The following DLGAP1 variants were observed in gnomAD, a reference collection of about 807,000 sequenced individuals.
DLGAP1 encodes disks large-associated protein 1.
DLGAP1 carries 11 observed loss-of-function variants against 90.8 expected under a neutral mutation model. The ratio of observed to expected loss-of-function variants is 0.12; its 90% CI spans 0.08 to 0.20. The LOEUF (loss-of-function observed/expected upper bound fraction) is 0.20. Ranked by LOEUF, DLGAP1 falls within the 10% of genes least tolerant of loss-of-function variation. The pLI, the probability that DLGAP1 is intolerant of heterozygous loss-of-function variation, is 1.00. For missense variants in DLGAP1, 1,050 were observed against 1,333.8 expected (o/e 0.79, Z 3.31); for synonymous variants, 558 against 540.7 (o/e 1.03, Z -0.44).
At chr18:4,426,385 T>C (rs1398584649) in intron 1 of DLGAP1, among the ~76,000 whole-genome samples, 1 of 152,234 alleles carries the variant, frequency 6.6e-6, no homozygotes, top group African/African-American at 2.4e-5. Flanking sequence ...TTCTCTTAAA[T>C]ACAAATGCTG....
chr18:3,948,678 C>T (rs2072922292), intron 3 of DLGAP1, among the ~76,000 whole-genome samples: 1 of 152,124 alleles, frequency 6.6e-6, no homozygotes, highest in Non-Finnish European at 1.5e-5. Context: ...GACTATTATT[C>T]TAAGTGATGT....
At chr18:4,000,157 C>T (rs1346238861) in intron 3 of DLGAP1, among the ~76,000 whole-genome samples, 1 of 152,036 alleles carries the variant, frequency 6.6e-6, no homozygotes, top group South Asian at 2.1e-4. Context: ...TGTTCTGAGC[C>T]CTTTTTATTA....
intron 5 of DLGAP1, among the ~76,000 whole-genome samples, chr18:3,749,399 T>C (rs1019808900): frequency 6.6e-6 from 1 of 151,994 alleles, no homozygotes; most frequent in African/African-American, 2.4e-5. Context: ...GTGATCTGCC[T>C]GCCTTGGCCT....
At chr18:4,319,212 C>T (rs1324348249) in intron 1 of DLGAP1, among the ~76,000 whole-genome samples, 1 of 152,148 alleles carries the variant, frequency 6.6e-6, no homozygotes. Flanking sequence ...ACTTGTTTTA[C>T]TAAGAGCTAC....
At chr18:3,580,503 A>T in intron 8 of DLGAP1, 3 of 1,601,340 alleles carry the variant, frequency 1.9e-6, no homozygotes, top group Non-Finnish European at 2.6e-6. Flanking sequence ...GACCAGGAGG[A>T]GGAGGAGGAA....
chr18:3,776,018 G>A (rs962467159), intron 5 of DLGAP1, among the ~76,000 whole-genome samples: 4 of 152,168 alleles, frequency 2.6e-5, no homozygotes, highest in Non-Finnish European at 4.4e-5. Context: ...AAGACACTCA[G>A]CCCTCAAGAG....
chr18:4,315,858 G>C (rs1358229776), intron 1 of DLGAP1, among the ~76,000 whole-genome samples: 4 of 152,178 alleles, frequency 2.6e-5, no homozygotes, highest in African/African-American at 9.7e-5. Flanking sequence ...TCAGCACATA[G>C]TAAGTGCTCA....
At chr18:3,748,982 T>C (rs530164057) in intron 5 of DLGAP1, among the ~76,000 whole-genome samples, 1 of 152,280 alleles carries the variant, frequency 6.6e-6, no homozygotes, top group Non-Finnish European at 1.5e-5. Flanking sequence ...TTACCATTTA[T>C]CCAATGCCTG....
intron 2 of DLGAP1, among the ~76,000 whole-genome samples, chr18:4,068,216 G>A (rs1357848026): frequency 1.3e-5 from 2 of 151,812 alleles, no homozygotes; most frequent in East Asian, 3.9e-4. Flanking sequence ...TGGGCTTGAT[G>A]AGGGGAGGAT....
chr18:3,771,704 G>A (rs1322881040), intron 5 of DLGAP1, among the ~76,000 whole-genome samples: 1 of 152,214 alleles, frequency 6.6e-6, no homozygotes, highest in Non-Finnish European at 1.5e-5. Flanking sequence ...GGCCTGGATT[G>A]CTGTTATCTT....
intron 5 of DLGAP1, among the ~76,000 whole-genome samples, chr18:3,779,026 C>A (rs1191712165): frequency 1.3e-5 from 2 of 152,116 alleles, no homozygotes; most frequent in Non-Finnish European, 2.9e-5. Context: ...ACGACCCAGG[C>A]CCAAAGACCA....
intron 7 of DLGAP1, among the ~76,000 whole-genome samples, chr18:3,627,510 T>C (rs1381145454): frequency 6.6e-6 from 1 of 151,912 alleles, no homozygotes; most frequent in Non-Finnish European, 1.5e-5. Flanking sequence ...GCTACAGTCC[T>C]ACACGCTATC....
chr18:4,240,261 C>T (rs978969609), intron 1 of DLGAP1, among the ~76,000 whole-genome samples: 1 of 151,898 alleles, frequency 6.6e-6, no homozygotes, highest in African/African-American at 2.4e-5. Context: ...TTCCTTATAG[C>T]CTTGATAATG....
chr18:4,451,502 T>C (rs887271047), intron 1 of DLGAP1, among the ~76,000 whole-genome samples: 1 of 152,224 alleles, frequency 6.6e-6, no homozygotes, highest in African/African-American at 2.4e-5. Context: ...CAGAAGACTA[T>C]TTCTAAATCC....
At chr18:3,753,427 G>C (rs1178516076) in intron 5 of DLGAP1, among the ~76,000 whole-genome samples, 2 of 152,148 alleles carry the variant, frequency 1.3e-5, no homozygotes, top group Non-Finnish European at 1.5e-5. Flanking sequence ...CAGGGCATCA[G>C]AACTATTTGA....
chr18:3,576,453 G>T (rs1232207620), intron 8 of DLGAP1, among the ~76,000 whole-genome samples: 1 of 151,624 alleles, frequency 6.6e-6, no homozygotes, highest in Non-Finnish European at 1.5e-5. Flanking sequence ...TAGAGACTGG[G>T]TTTCACCATC....
chr18:3,928,213 A>T (rs922964356), intron 3 of DLGAP1, among the ~76,000 whole-genome samples: 1 of 152,238 alleles, frequency 6.6e-6, no homozygotes, highest in African/African-American at 2.4e-5. Flanking sequence ...AACTCATCTG[A>T]CTACAACAAC....
intron 3 of DLGAP1, among the ~76,000 whole-genome samples, chr18:3,944,880 C>T (rs1393798183): frequency 6.6e-6 from 1 of 152,166 alleles, no homozygotes; most frequent in African/African-American, 2.4e-5. Context: ...TGGAACCTAG[C>T]CATGGTATCC....
intron 5 of DLGAP1, among the ~76,000 whole-genome samples, chr18:3,764,567 C>A (rs1452246197): frequency 1.3e-5 from 2 of 152,222 alleles, no homozygotes; most frequent in Non-Finnish European, 2.9e-5. Context: ...GTTCCATATA[C>A]CCCTTGTTAA....
Sources: allele counts gnomAD v4.1 joint callset (sites outside exome capture counted in the v4.1 genomes callset), GRCh38; gene constraint gnomAD v4.1.1; transcripts MANE v1.5; gene names NCBI Gene and HGNC (gene_info 2026-07-23, HGNC 2026-07-21).